RIMS2: variants seen among roughly 807,000 people sequenced by gnomAD.
RIMS2 encodes the protein regulating synaptic membrane exocytosis 2.
In RIMS2, 59 loss-of-function variants were observed where a neutral mutation model predicts 174.4. That is an observed-to-expected ratio of 0.34 (90% confidence interval 0.27 to 0.42). RIMS2 has a LOEUF of 0.42. RIMS2 is among the 10% of genes least tolerant of loss of function. The probability of loss-of-function intolerance (pLI) is 1.00; values close to 1 mark genes in which losing one functional copy is unlikely to be tolerated. For missense variants in RIMS2, 1,620 were observed against 1,666.3 expected (o/e 0.97, Z 0.48); for synonymous variants, 606 against 572.5 (o/e 1.06, Z -0.84).
chr8:104,034,869 C>A (rs1027327126), intron 19 of RIMS2, among the ~76,000 whole-genome samples: 5 of 152,080 alleles, frequency 3.3e-5, no homozygotes, highest in Non-Finnish European at 7.4e-5. Context: ...GTGAGTTTAT[C>A]TTTCCTTATA....
chr8:103,605,933 G>A (rs2095051998), intron 1 of RIMS2, among the ~76,000 whole-genome samples: 1 of 147,320 alleles, frequency 6.8e-6, no homozygotes, highest in Non-Finnish European at 1.5e-5. Flanking sequence ...CAATTTTGTT[G>A]ATCCTTTCAA....
chr8:103,561,560 A>C (rs1430854395), intron 1 of RIMS2, among the ~76,000 whole-genome samples: 1 of 152,134 alleles, frequency 6.6e-6, no homozygotes, highest in Non-Finnish European at 1.5e-5. Context: ...TTTAAAAAAA[A>C]CCCCCAAACC....
chr8:103,594,840 A>C (rs903927069), intron 1 of RIMS2, among the ~76,000 whole-genome samples: 3 of 151,820 alleles, frequency 2.0e-5, no homozygotes, highest in Non-Finnish European at 3.0e-5. Context: ...TTTACAATAT[A>C]TAAGTATGTT....
At chr8:104,166,110 A>AGGCT (rs2098796167) in intron 19 of RIMS2, among the ~76,000 whole-genome samples, 1 of 133,800 alleles carries the variant, frequency 7.5e-6, no homozygotes, top group Non-Finnish European at 1.5e-5. Context: ...TCTGTCGCCC[A>AGGCT]GGCTGGAGTG....
At chr8:103,698,977 A>G (rs906752754) in intron 2 of RIMS2, among the ~76,000 whole-genome samples, 3 of 152,182 alleles carry the variant, frequency 2.0e-5, no homozygotes, top group Non-Finnish European at 4.4e-5. Flanking sequence ...CCATGTGGGC[A>G]TGCAATTTTA....
At chr8:103,972,355 A>G (rs1352697622) in intron 15 of RIMS2, among the ~76,000 whole-genome samples, 2 of 151,914 alleles carry the variant, frequency 1.3e-5, no homozygotes, top group African/African-American at 4.8e-5. Flanking sequence ...CTTTATTGCT[A>G]TTCCTTCAAA....
chr8:104,052,690 GC>G (rs2096806219), intron 19 of RIMS2, among the ~76,000 whole-genome samples: 1 of 152,110 alleles, frequency 6.6e-6, no homozygotes, highest in Non-Finnish European at 1.5e-5. Flanking sequence ...TTTGTTTGGG[GC>G]AAGCTGGGTT....
chr8:103,748,757 G>T (rs182352523), intron 2 of RIMS2, among the ~76,000 whole-genome samples: 2 of 150,828 alleles, frequency 1.3e-5, no homozygotes, highest in East Asian at 3.9e-4. Context: ...AAATTTTCAT[G>T]TTCCAATCAC....
intron 1 of RIMS2, among the ~76,000 whole-genome samples, chr8:103,694,618 G>A (rs2097075398): frequency 6.6e-6 from 1 of 152,148 alleles, no homozygotes; most frequent in South Asian, 2.1e-4. Flanking sequence ...CTTGATGCCA[G>A]GGTGGGCTTG....
intron 19 of RIMS2, among the ~76,000 whole-genome samples, chr8:104,051,554 C>CA (rs963023184): frequency 1.9e-4 from 28 of 149,804 alleles, no homozygotes; most frequent in African/African-American, 5.4e-4. Context: ...GAAATATTAC[C>CA]AAAAAAAATG....
chr8:103,819,453 T>C (rs1360403987), intron 3 of RIMS2: 12 of 1,603,090 alleles, frequency 7.5e-6, no homozygotes, highest in Non-Finnish European at 7.6e-6. Context: ...AAATAGATGA[T>C]TTTAAAGACA....
intron 3 of RIMS2, among the ~76,000 whole-genome samples, chr8:103,806,001 T>C (rs542265445): frequency 6.6e-6 from 1 of 152,102 alleles, no homozygotes; most frequent in Non-Finnish European, 1.5e-5. Flanking sequence ...TTTTCATTTC[T>C]GTGATATATA....
chr8:104,114,989 T>C (rs1423325509), intron 19 of RIMS2, among the ~76,000 whole-genome samples: 4 of 152,074 alleles, frequency 2.6e-5, no homozygotes. Context: ...ACTAGATGCA[T>C]TGTCTCAGAA....
intron 19 of RIMS2, among the ~76,000 whole-genome samples, chr8:104,171,249 C>T (rs569652542): frequency 3.3e-5 from 5 of 152,092 alleles, no homozygotes; most frequent in Admixed American, 2.0e-4. Context: ...AACTTTTAGA[C>T]TTCATTTCTC....
chr8:103,916,408 C>T lies in RIMS2; in HGVS notation c.1913-6C>T, dbSNP rs2076641652. The T allele has an allele frequency of 6.3e-7, 1 of 1,598,484 alleles. No homozygotes were observed. The highest frequency in any genetic ancestry group is 1.3e-5 in the African/African-American group (1 of 74,378). On this transcript the variant is annotated splice_region_variant and splice_polypyrimidine_tract_variant and intron_variant, in intron 7 of 23. Transcript: ENST00000504942. The stretch of plus-strand genomic sequence containing the variant: ...ATAAGATTATTATTACTGACACCCA[C>T]TATAGGTGATGAAGTATTAGAATGG...
intron 19 of RIMS2, among the ~76,000 whole-genome samples, chr8:104,120,018 T>A (rs560936210): frequency 6.6e-6 from 1 of 152,354 alleles, no homozygotes; most frequent in East Asian, 1.9e-4. Context: ...TATTTCCTTA[T>A]GCTATAATAG....
chr8:103,818,599 C>T (rs1249081665), intron 3 of RIMS2, among the ~76,000 whole-genome samples: 2 of 151,898 alleles, frequency 1.3e-5, no homozygotes, highest in African/African-American at 2.4e-5. Context: ...AGGGTTTTTC[C>T]CCCACCTGGA....
chr8:104,056,215 T>C (rs572640473), intron 19 of RIMS2, among the ~76,000 whole-genome samples: 35 of 151,836 alleles, frequency 2.3e-4, no homozygotes, highest in Non-Finnish European at 4.4e-4. Context: ...CCATCCTGGC[T>C]AACATGGTAA....
At chr8:103,894,725 A>G (rs1219143046) in intron 4 of RIMS2, among the ~76,000 whole-genome samples, 2 of 151,580 alleles carry the variant, frequency 1.3e-5, no homozygotes, top group East Asian at 3.9e-4. Context: ...ATTATAGTCA[A>G]TTATTATTTT....
Sources: allele counts gnomAD v4.1 joint callset (sites outside exome capture counted in the v4.1 genomes callset), GRCh38; gene constraint gnomAD v4.1.1; transcripts MANE v1.5; gene names NCBI Gene and HGNC (gene_info 2026-07-23, HGNC 2026-07-21).